WDR18: variants seen among roughly 807,000 people sequenced by gnomAD.
WDR18 encodes the protein WD repeat-containing protein 18.
Under a neutral mutation model 49.6 loss-of-function variants are expected in WDR18, and 33 were observed. The ratio of observed to expected loss-of-function variants is 0.67; its 90% CI spans 0.50 to 0.89. The LOEUF is 0.89. Ranked by LOEUF, WDR18 falls within the 40% of genes least tolerant of loss-of-function variation. The probability of loss-of-function intolerance (pLI) is 0.00; values close to 1 mark genes in which losing one functional copy is unlikely to be tolerated. For synonymous variants in WDR18, 315 were observed against 263.6 expected (o/e 1.19, Z -1.89); for missense variants, 653 against 593.6 (o/e 1.10, Z -1.04).
At chr19:991,830 C>A in intron 7 of WDR18, 125 bp from the exon 8 acceptor site, 2 of 952,802 alleles carry the variant, frequency 2.1e-6, no homozygotes, top group Non-Finnish European at 2.6e-6. Flanking sequence ...TGGCTGGGGG[C>A]GTGGACTGGC....
At chr19:992,146 C>T (rs758020599) in intron 8 of WDR18, 25 bp downstream of exon 8, 10 of 1,434,148 alleles carry the variant, frequency 7.0e-6, no homozygotes, top group African/African-American at 1.5e-5. Flanking sequence ...AGGGAACCCC[C>T]ACTGCCCTTT....
intron 1 of WDR18, 83 bp downstream of exon 1, chr19:984,646 C>T: frequency 1.5e-6 from 2 of 1,312,890 alleles, no homozygotes; most frequent in Non-Finnish European, 2.0e-6. Flanking sequence ...GCCGCGTGCA[C>T]CCTTAGTCGG....
intron 1 of WDR18, 83 bp from the exon 2 acceptor site, chr19:985,782 G>C: frequency 1.5e-6 from 2 of 1,344,316 alleles, no homozygotes; most frequent in Non-Finnish European, 2.1e-6. Context: ...CCATTGCCCA[G>C]GCGTCCCCTC....
intron 8 of WDR18, 122 bp downstream of exon 8, chr19:992,243 G>A (rs2038569248): frequency 1.6e-6 from 2 of 1,228,712 alleles, no homozygotes; most frequent in Non-Finnish European, 2.1e-6. Context: ...CCCGGCACTG[G>A]AGGGCGCGTC....
chr19:988,732 C>T (rs1568384420), intron 2 of WDR18, among the ~76,000 whole-genome samples: 1 of 152,136 alleles, frequency 6.6e-6, no homozygotes, highest in East Asian at 1.9e-4. Flanking sequence ...GTGGCCGGCA[C>T]CCCTTGGCAC....
chr19:994,358 C>T lies in WDR18; in HGVS notation c.*14C>T, dbSNP rs773738604. Reference sequence around the variant, plus strand: ...CCGGCCAAGTGAGGCCCGGAGACCCCGGCCCGAGGCGCCCAGGCCTGAGCC... The same window carrying T: ...CCGGCCAAGTGAGGCCCGGAGACCCTGGCCCGAGGCGCCCAGGCCTGAGCC... On this transcript the variant is annotated 3_prime_UTR_variant, in exon 10 of 10. Transcript: ENST00000585809. 36 of 1,599,466 alleles carry T rather than the reference C, an allele frequency of 2.3e-5. No homozygotes were observed. Among genetic ancestry groups the T allele is most frequent in the South Asian group, 1.2e-4 (11 of 89,584 alleles).
intron 1 of WDR18, 114 bp from the exon 2 acceptor site, chr19:985,751 C>A: frequency 1.1e-6 from 1 of 936,854 alleles, no homozygotes; most frequent in Non-Finnish European, 1.7e-6. Context: ...CCCGACTCCT[C>A]TTCCTGGTTC....
chr19:986,054 A>G, intron 2 of WDR18, 79 bp downstream of exon 2: 1 of 1,409,756 alleles, frequency 7.1e-7, no homozygotes, highest in Non-Finnish European at 1.0e-6. Flanking sequence ...ACCAGGGAAC[A>G]ACCATGCGGC....
In WDR18 at chr19:994,102, C is replaced by T. The variant is rs73918298; in HGVS notation, c.1167+14C>T. 6.5e-7 allele frequency: 1 copy of T among 1,543,840 alleles called. No homozygotes were observed. The highest frequency in any genetic ancestry group is 1.9e-5 in the Admixed American group (1 of 51,988). ...ACCATGGAGAAGGTGGGCGGGGCCT[C>T]GGGAGGGGCGGGGCCTGAGGCTGGG... is the stretch of plus-strand genomic sequence containing the variant. On this transcript the variant is annotated intron_variant, in intron 9 of 9. Transcript: ENST00000585809.
At position 994,279 on chromosome 19, in the gene WDR18, C is replaced by T. The variant is rs1471776809; in HGVS notation, c.1234C>T (p.Leu412=). ...GGAGCTGGAGGACGAGGTGCGCAAC[C>T]TGCGCAAGATCAATCGGGACCTGTT... ...VTELEDEVRN[L]RKINRDLFDF... The change falls in exon 10 of 10, where the codon CTG becomes TTG. Residue 412 remains leucine, a synonymous_variant. Transcript: ENST00000585809. 3 of 1,610,550 alleles carry T rather than the reference C, an allele frequency of 1.9e-6. No homozygotes were observed. Among genetic ancestry groups the T allele is most frequent in the East Asian group, 2.2e-5 (1 of 44,814 alleles).
intron 8 of WDR18, among the ~76,000 whole-genome samples, chr19:993,806 G>A (rs762259093): frequency 3.3e-5 from 5 of 152,188 alleles, no homozygotes; most frequent in Non-Finnish European, 7.3e-5. Flanking sequence ...AGGATCTGAG[G>A]CGCTGGGTAA....
At chr19:990,019 G>A in intron 3 of WDR18, 124 bp downstream of exon 3, 1 of 1,457,776 alleles carries the variant, frequency 6.9e-7, no homozygotes, top group Non-Finnish European at 9.0e-7. Context: ...AGAGGACGGA[G>A]TGATCATCCC....
intron 9 of WDR18, 38 bp downstream of exon 9, chr19:994,126 G>T: frequency 6.5e-7 from 1 of 1,549,150 alleles, no homozygotes; most frequent in South Asian, 1.2e-5. Flanking sequence ...CCTGAGGCTG[G>T]GGTCAGTCCT....
At chr19:993,555 C>G (rs1272485962) in intron 8 of WDR18, among the ~76,000 whole-genome samples, 1 of 152,274 alleles carries the variant, frequency 6.6e-6, no homozygotes, top group African/African-American at 2.4e-5. Flanking sequence ...TTCCCGACCT[C>G]TGATCCCCCA....
At chr19:986,595 C>T (rs1344145321) in intron 2 of WDR18, among the ~76,000 whole-genome samples, 1 of 152,188 alleles carries the variant, frequency 6.6e-6, no homozygotes, top group Non-Finnish European at 1.5e-5. Context: ...TACCGCTGGA[C>T]CAACCAGGTG....
At position 991,363 on chromosome 19, in the gene WDR18, TCTGCTCGGCC is replaced by T. The variant is rs1489714663; in HGVS notation, c.931+14_931+23del. 6.5e-7 allele frequency: 1 copy of T among 1,539,868 alleles called. No homozygotes were observed. The highest frequency in any genetic ancestry group is 1.2e-5 in the South Asian group (1 of 83,846). On this transcript the variant is annotated intron_variant, in intron 7 of 9. Transcript: ENST00000585809. Reference sequence around the variant, plus strand: ...GGTGGCCCTCAAAGGTGGGCGCGCCTCTGCTCGGCCCGCGGCCAGCGCGCAGGGGAAAAAG... The same window carrying T: ...GGTGGCCCTCAAAGGTGGGCGCGCCTCGCGGCCAGCGCGCAGGGGAAAAAG...
At chr19:983,154 G>C (rs1373281341), upstream of WDR18, among the ~76,000 whole-genome samples, 1 of 152,192 alleles carries the variant, frequency 6.6e-6, no homozygotes, top group African/African-American at 2.4e-5. Context: ...AAATCATACT[G>C]TTTTTAGGCC....
At chr19:989,041 C>CTT (rs2038507658) in intron 2 of WDR18, among the ~76,000 whole-genome samples, 1 of 103,792 alleles carries the variant, frequency 9.6e-6, no homozygotes, top group African/African-American at 3.7e-5. Flanking sequence ...GCATCTCAGG[C>CTT]CTCGAACCCA....
At position 992,130 on chromosome 19, in the gene WDR18, C is replaced by T. The variant is rs2038567413; in HGVS notation, c.1098+9C>T. The T allele has an allele frequency of 1.4e-6, 2 of 1,452,582 alleles. No homozygotes were observed. The highest frequency in any genetic ancestry group is 1.5e-5 in the African/African-American group (1 of 67,334). The allele number at this position is 1,452,582 out of a possible 1,614,324, so 90.0% of individuals were successfully genotyped here. The stretch of plus-strand genomic sequence containing the variant: ...TGGGCCTCCACCAGCAGGTACGGCC[C>T]CCAGCAGGGAACCCCCACTGCCCTT... On this transcript the variant is annotated intron_variant, in intron 8 of 9. Transcript: ENST00000585809.
Sources: gnomAD v4.1 joint callset for allele counts (sites outside exome capture counted in the v4.1 genomes callset) on GRCh38, gnomAD v4.1.1 for gene constraint, MANE v1.5 for transcripts, NCBI Gene and HGNC (gene_info 2026-07-23, HGNC 2026-07-21) for gene names.